The following UBE3C variants were observed in gnomAD, a reference collection of about 807,000 sequenced individuals.
UBE3C encodes ubiquitin-protein ligase E3C.
Under a neutral mutation model 129.4 loss-of-function variants are expected in UBE3C, and 42 were observed. That is an observed-to-expected ratio of 0.32 (90% CI 0.25 to 0.42). The LOEUF is 0.42. UBE3C is among the 10% of genes least tolerant of loss of function. The pLI is 1.00. For missense variants in UBE3C, 1,049 were observed against 1,319.1 expected, an observed-to-expected ratio of 0.80 and a Z score of 3.17; for synonymous variants, 510 against 492.4, an observed-to-expected ratio of 1.04 and a Z score of -0.47.
intron 18 of UBE3C, among the ~76,000 whole-genome samples, chr7:157,243,346 C>A (rs1394694782): frequency 6.6e-6 from 1 of 152,168 alleles, no homozygotes; most frequent in South Asian, 2.1e-4. Context: ...ATTTGGGCAG[C>A]CTCTGTAGAG....
intron 16 of UBE3C, 116 bp from the exon 17 acceptor site, chr7:157,225,291 A>G (rs921016922): frequency 8.3e-7 from 1 of 1,201,904 alleles, no homozygotes; most frequent in African/African-American, 1.6e-5. Context: ...CTTGACTATT[A>G]GCATTTATTT....
At chr7:157,254,916 C>CGGCGTGGTGGCGT (rs1796708892) in intron 21 of UBE3C, among the ~76,000 whole-genome samples, 3 of 99,674 alleles carry the variant, frequency 3.0e-5, no homozygotes, top group Non-Finnish European at 6.3e-5. Flanking sequence ...CCTGCAGTCC[C>CGGCGTGGTGGCGT]AGCGTGGTGG....
Position 157,139,171 on chromosome 7 carries a change from G to C in UBE3C, c.-102G>C. 1 of 845,036 alleles carries C rather than the reference G, an allele frequency of 1.2e-6. No individual in the cohort carries two copies. Among genetic ancestry groups the C allele is most frequent in the Non-Finnish European group, 1.5e-6 (1 of 688,124 alleles). 52.3% of individuals were successfully genotyped at this position (845,036 alleles called of 1,614,324 possible). On this transcript the variant is annotated 5_prime_UTR_variant, in exon 1 of 23. Coordinates refer to ENST00000348165, the MANE Select transcript of UBE3C (RefSeq NM_014671.3). ...CGGCCGCCGCGTCCTCGCTGCCCCGGGCCGGGCGGGCGGGCGCCGAGAGCC... is the reference window on the plus strand; with the variant it reads ...CGGCCGCCGCGTCCTCGCTGCCCCGCGCCGGGCGGGCGGGCGCCGAGAGCC...
intron 18 of UBE3C, chr7:157,231,687 G>A: frequency 3.6e-6 from 1 of 274,898 alleles, no homozygotes; most frequent in Non-Finnish European, 7.0e-6. Context: ...GTGATGCCCT[G>A]TGCCGCCTCC....
At chr7:157,234,767 A>T (rs771234943) in intron 18 of UBE3C, among the ~76,000 whole-genome samples, 77 of 152,118 alleles carry the variant, frequency 5.1e-4, no homozygotes, top group Non-Finnish European at 3.2e-4. Context: ...TGTTGATTTG[A>T]TGTTGATTTG....
intron 1 of UBE3C, among the ~76,000 whole-genome samples, chr7:157,161,596 A>G (rs1289933060): frequency 2.6e-5 from 4 of 151,992 alleles, no homozygotes; most frequent in Non-Finnish European, 5.9e-5. Flanking sequence ...GACTGCAGGC[A>G]TGCACCACCA....
chr7:157,163,743 A>G (rs1208991101), intron 1 of UBE3C, 67 bp from the exon 2 acceptor site: 1 of 1,548,228 alleles, frequency 6.5e-7, no homozygotes, highest in African/African-American at 1.4e-5. Flanking sequence ...ACATTCTGTA[A>G]TTTTTGTATG....
chr7:157,187,591 T>G (rs796805352), intron 10 of UBE3C, among the ~76,000 whole-genome samples: 12 of 151,682 alleles, frequency 7.9e-5, no homozygotes, highest in African/African-American at 2.9e-4. Context: ...TTTGTTTTTT[T>G]TTTTGAGATG....
At chr7:157,225,319 C>T (rs879166086) in intron 16 of UBE3C, 88 bp from the exon 17 acceptor site, 1 of 1,455,406 alleles carries the variant, frequency 6.9e-7, no homozygotes, top group South Asian at 1.4e-5. Context: ...TATGAAGATA[C>T]AAAAGATAAG....
chr7:157,139,368 G>A (rs781083206), intron 1 of UBE3C, 30 bp downstream of exon 1: 1 of 1,545,758 alleles, frequency 6.5e-7, no homozygotes, highest in Non-Finnish European at 8.7e-7. Flanking sequence ...GGCGCCCTCG[G>A]CTCGGGGCCT....
intron 17 of UBE3C, among the ~76,000 whole-genome samples, chr7:157,230,035 A>G (rs1327329308): frequency 6.6e-6 from 1 of 151,844 alleles, no homozygotes; most frequent in Non-Finnish European, 1.5e-5. Flanking sequence ...CAGCCACCCA[A>G]GTAGCTGGGA....
At chr7:157,223,767 A>G (rs1795800450) in intron 16 of UBE3C, among the ~76,000 whole-genome samples, 1 of 152,126 alleles carries the variant, frequency 6.6e-6, no homozygotes, top group Non-Finnish European at 1.5e-5. Flanking sequence ...AAAGAATACA[A>G]AAGTTAGTTG....
intron 1 of UBE3C, among the ~76,000 whole-genome samples, chr7:157,140,481 G>T (rs1807412872): frequency 6.6e-6 from 1 of 152,218 alleles, no homozygotes; most frequent in Non-Finnish European, 1.5e-5. Flanking sequence ...GTGCAGTTAA[G>T]GGTGGTCGTG....
chr7:157,192,898 C>T lies in UBE3C; in HGVS notation c.1331+5877C>T, dbSNP rs1399376287. On this transcript the variant is annotated intron_variant, in intron 10 of 22. Coordinates refer to ENST00000348165, the MANE Select transcript of UBE3C (RefSeq NM_014671.3). ...AAAAAGAAGGGATTATCAAAGAAGACATTTGAGGTAGTGAATGCCACTTTC... is the reference window on the plus strand; with the variant it reads ...AAAAAGAAGGGATTATCAAAGAAGATATTTGAGGTAGTGAATGCCACTTTC... The T allele has an allele frequency of 5.2e-6, 4 of 765,234 alleles. No homozygotes were observed. In the East Asian group the frequency reaches 9.9e-5, roughly 19 times the overall value. 47.4% of individuals were successfully genotyped at this position (765,234 alleles called of 1,614,324 possible).
At chr7:157,158,117 T>G (rs1283335308) in intron 1 of UBE3C, among the ~76,000 whole-genome samples, 1 of 144,844 alleles carries the variant, frequency 6.9e-6, no homozygotes, top group African/African-American at 2.5e-5. Context: ...GGTCTCAAAC[T>G]CTTGGCTTCC....
chr7:157,193,433 G>T (rs1809029566), intron 10 of UBE3C, among the ~76,000 whole-genome samples: 1 of 152,184 alleles, frequency 6.6e-6, no homozygotes, highest in Admixed American at 6.5e-5. Context: ...TTGACTCCTT[G>T]TGTGGGAGCC....
rs1807347065 is a variant in UBE3C at position 157,139,097 on chromosome 7, A to G, written c.-176A>G. 3 of 182,818 alleles carry G rather than the reference A, an allele frequency of 1.6e-5. No homozygotes were observed. The highest frequency in any genetic ancestry group is 3.2e-5 in the Non-Finnish European group (3 of 95,092). 11.3% of individuals were successfully genotyped at this position (182,818 alleles called of 1,614,324 possible). A position where few individuals can be genotyped will look rare whatever the true frequency, so the allele number is the denominator to read the frequency against. On this transcript the variant is annotated 5_prime_UTR_variant, in exon 1 of 23. Transcript: ENST00000348165. ...CCAGTATTGCCGCCCCTCCCGCCCC[A>G]GGGCAGGGCTGGGAGGGTACAGCCC...
At chr7:157,243,635 C>G (rs1796402696) in intron 18 of UBE3C, among the ~76,000 whole-genome samples, 1 of 152,090 alleles carries the variant, frequency 6.6e-6, no homozygotes, top group Non-Finnish European at 1.5e-5. Flanking sequence ...GACACTGGGA[C>G]AACACGGATT....
intron 10 of UBE3C, chr7:157,192,875 A>G: frequency 2.2e-6 from 2 of 900,224 alleles, no homozygotes; most frequent in Non-Finnish European, 3.6e-6. Context: ...AAAAAAAAAA[A>G]AAGAAGGGAT....
Sources: gnomAD v4.1 joint callset for allele counts (sites outside exome capture counted in the v4.1 genomes callset) on GRCh38, gnomAD v4.1.1 for gene constraint, MANE v1.5 for transcripts, NCBI Gene and HGNC (gene_info 2026-07-23, HGNC 2026-07-21) for gene names.